DNM3: variants seen among roughly 807,000 people sequenced by gnomAD.
DNM3 encodes dynamin-3.
In DNM3, 47 loss-of-function variants were observed where a neutral mutation model predicts 101.6. The observed-to-expected ratio is 0.46, with a 90% confidence interval of 0.37 to 0.59. DNM3 has a LOEUF of 0.59. Among genes scored for constraint, DNM3 ranks in the 20% least tolerant of loss-of-function variants. The pLI, the probability that DNM3 is intolerant of heterozygous loss-of-function variation, is 0.00. For missense variants in DNM3, 849 were observed against 1,085.7 expected, an observed-to-expected ratio of 0.78 and a Z score of 3.06; for synonymous variants, 385 against 387.9, an observed-to-expected ratio of 0.99 and a Z score of 0.09.
At position 172,033,050 on chromosome 1, in the gene DNM3, C is replaced by T. The variant is rs1038867889; in HGVS notation, c.689-55C>T. The T allele has an allele frequency of 1.5e-5, 23 of 1,578,638 alleles. No individual in the cohort carries two copies. In the African/African-American group the frequency reaches 2.8e-4, roughly 19 times the overall value. On this transcript the variant is annotated intron_variant, in intron 5 of 20. Coordinates refer to ENST00000627582, the MANE Select transcript of DNM3 (RefSeq NM_015569.5). ...CCTATGTGAGAGCCTTGAAATCTCC[C>T]TAGAATAAGCCACAAAAAGTGTCCC...
chr1:172,104,901 A>G (rs2054901175), intron 13 of DNM3, among the ~76,000 whole-genome samples: 1 of 152,236 alleles, frequency 6.6e-6, no homozygotes, highest in Non-Finnish European at 1.5e-5. Context: ...TGCAAAGTCT[A>G]GTTCTGCCAC....
At chr1:171,956,687 C>T (rs2042881347) in intron 2 of DNM3, among the ~76,000 whole-genome samples, 1 of 152,188 alleles carries the variant, frequency 6.6e-6, no homozygotes, top group South Asian at 2.1e-4. Context: ...AGGGCTCTGA[C>T]TCCACATTTC....
chr1:172,344,842 C>T (rs187133984), intron 17 of DNM3, among the ~76,000 whole-genome samples: 40 of 152,256 alleles, frequency 2.6e-4, no homozygotes, highest in African/African-American at 9.1e-4. Flanking sequence ...GAAAAATAGC[C>T]ATCAGAATTC....
chr1:171,909,987 T>C (rs192300057), intron 1 of DNM3, among the ~76,000 whole-genome samples: 1 of 152,340 alleles, frequency 6.6e-6, no homozygotes, highest in African/African-American at 2.4e-5. Flanking sequence ...TGTATTTGAA[T>C]TGAGCACACT....
intron 7 of DNM3, 129 bp downstream of exon 7, chr1:172,038,590 A>T: frequency 8.4e-7 from 1 of 1,188,120 alleles, no homozygotes; most frequent in Non-Finnish European, 1.2e-6. Flanking sequence ...TATATGATAC[A>T]AGATAACTCT....
At chr1:172,299,578 A>G (rs2064337365) in intron 15 of DNM3, among the ~76,000 whole-genome samples, 2 of 151,880 alleles carry the variant, frequency 1.3e-5, no homozygotes, top group Non-Finnish European at 2.9e-5. Context: ...ATTGTTCCCA[A>G]CTTTGTCTAT....
chr1:172,296,400 G>A (rs2064163248), intron 15 of DNM3, among the ~76,000 whole-genome samples: 1 of 152,234 alleles, frequency 6.6e-6, no homozygotes, highest in East Asian at 1.9e-4. Flanking sequence ...GCCCTTGGGG[G>A]ACTGGGTCAT....
chr1:171,929,791 G>A (rs2040857534), intron 2 of DNM3, among the ~76,000 whole-genome samples: 1 of 152,196 alleles, frequency 6.6e-6, no homozygotes, highest in Admixed American at 6.5e-5. Flanking sequence ...GTCCCGCCTA[G>A]TGAGGAGGAG....
At chr1:172,149,210 C>T (rs2058036376) in intron 14 of DNM3, among the ~76,000 whole-genome samples, 1 of 152,090 alleles carries the variant, frequency 6.6e-6, no homozygotes, top group Non-Finnish European at 1.5e-5. Flanking sequence ...GAAATAAGCT[C>T]CTAACCAAAA....
intron 14 of DNM3, among the ~76,000 whole-genome samples, chr1:172,220,012 C>T (rs1317448403): frequency 1.3e-5 from 2 of 152,184 alleles, no homozygotes; most frequent in Non-Finnish European, 2.9e-5. Flanking sequence ...GTAAGGGAAA[C>T]ATGGCTCATC....
At chr1:172,414,810 T>C (rs574015497), downstream of DNM3, among the ~76,000 whole-genome samples, 14 of 140,558 alleles carry the variant, frequency 1.0e-4, no homozygotes, top group Admixed American at 5.2e-4. Context: ...GGCTCATGCC[T>C]GTAGTTCCAG....
chr1:172,132,928 C>A, intron 14 of DNM3: 3 of 1,360,830 alleles, frequency 2.2e-6, no homozygotes, highest in Non-Finnish European at 3.1e-6. Flanking sequence ...TTACCAAAGT[C>A]ACACAGCTAG....
At chr1:172,216,755 GCACACA>G (rs144275284) in intron 14 of DNM3, among the ~76,000 whole-genome samples, 23 of 147,396 alleles carry the variant, frequency 1.6e-4, no homozygotes, top group African/African-American at 5.4e-4. Flanking sequence ...ACACACACAT[GCACACA>G]CACACACACA....
intron 4 of DNM3, among the ~76,000 whole-genome samples, chr1:172,008,580 G>C (rs1240140687): frequency 8.5e-6 from 1 of 117,890 alleles, no homozygotes; most frequent in Non-Finnish European, 1.7e-5. Context: ...ATTTAGGTCT[G>C]CAATTTTTTT....
intron 14 of DNM3, among the ~76,000 whole-genome samples, chr1:172,162,331 A>G (rs2058574895): frequency 1.3e-5 from 2 of 152,058 alleles, no homozygotes; most frequent in Non-Finnish European, 2.9e-5. Flanking sequence ...CATGATTTAT[A>G]AGTTCAAAAA....
intron 15 of DNM3, among the ~76,000 whole-genome samples, chr1:172,290,691 A>G (rs950072125): frequency 1.3e-5 from 2 of 152,186 alleles, no homozygotes; most frequent in Non-Finnish European, 2.9e-5. Flanking sequence ...CATCCCAATG[A>G]GAGAAGATAG....
At chr1:171,909,842 C>T (rs889316967) in intron 1 of DNM3, among the ~76,000 whole-genome samples, 1 of 152,168 alleles carries the variant, frequency 6.6e-6, no homozygotes. Context: ...CTAATAAATG[C>T]CTCTCCTCAT....
At chr1:172,254,156 G>A (rs554990929) in intron 15 of DNM3, among the ~76,000 whole-genome samples, 12 of 152,186 alleles carry the variant, frequency 7.9e-5, no homozygotes, top group African/African-American at 2.9e-4. Context: ...AACTACCTGG[G>A]TGCAAGAGAT....
At chr1:171,917,315 A>G (rs1221878562) in intron 1 of DNM3, among the ~76,000 whole-genome samples, 1 of 152,100 alleles carries the variant, frequency 6.6e-6, no homozygotes, top group African/African-American at 2.4e-5. Context: ...TGATACAGCT[A>G]GTGTGTTCTT....
Sources: allele counts gnomAD v4.1 joint callset (sites outside exome capture counted in the v4.1 genomes callset), GRCh38; gene constraint gnomAD v4.1.1; transcripts MANE v1.5; gene names NCBI Gene and HGNC (gene_info 2026-07-23, HGNC 2026-07-21).